The following AKAP19 variants were observed in gnomAD, a reference collection of about 807,000 sequenced individuals.
The protein encoded by AKAP19 is A-kinase anchoring protein 19.
the AKAP19 span, among the ~76,000 whole-genome samples, chr2:190,195,543 C>T: frequency 0.14 from 21,467 of 152,192 alleles, 3,588 homozygotes; most frequent in African/African-American, 0.4. Flanking sequence ...TTATGTGCCA[C>T]CTATATGTAA....
At chr2:190,054,863 A>C in the AKAP19 span, among the ~76,000 whole-genome samples, 3 of 152,136 alleles carry the variant, frequency 2.0e-5, no homozygotes, top group Admixed American at 6.5e-5. Context: ...AATAGGAACA[A>C]TTTTACACTG....
chr2:189,949,631 CTTTTTTTTTTTTTTT>C, the AKAP19 span, among the ~76,000 whole-genome samples: 2 of 117,776 alleles, frequency 1.7e-5, no homozygotes, highest in Non-Finnish European at 3.6e-5. Flanking sequence ...CTTTTTCTTT[CTTTTTTTTTTTTTTT>C]TTTTTTAGAG....
At chr2:190,000,900 G>C in the AKAP19 span, among the ~76,000 whole-genome samples, 2 of 152,036 alleles carry the variant, frequency 1.3e-5, no homozygotes, top group East Asian at 3.8e-4. Flanking sequence ...GATTTATGTA[G>C]TTCTTTTTCT....
the AKAP19 span, among the ~76,000 whole-genome samples, chr2:190,013,897 A>AT: frequency 7.9e-5 from 12 of 151,748 alleles, no homozygotes; most frequent in South Asian, 4.2e-4. Flanking sequence ...GGTTTTATTG[A>AT]TTTTTTCTAT....
chr2:190,072,822 A>G, the AKAP19 span, among the ~76,000 whole-genome samples: 1 of 152,194 alleles, frequency 6.6e-6, no homozygotes, highest in East Asian at 1.9e-4. Context: ...AACGTTACAT[A>G]CCAAAACTTA....
At chr2:190,023,038 A>G in the AKAP19 span, among the ~76,000 whole-genome samples, 7 of 152,164 alleles carry the variant, frequency 4.6e-5, no homozygotes, top group African/African-American at 1.7e-4. Flanking sequence ...AATGCCCCCA[A>G]GCTGGTATTT....
chr2:189,972,828 A>T, the AKAP19 span, among the ~76,000 whole-genome samples: 2 of 152,162 alleles, frequency 1.3e-5, no homozygotes, highest in African/African-American at 2.4e-5. Context: ...TTGCACATTG[A>T]TTTTGTATCC....
At chr2:190,174,997 A>AGATTACATG in the AKAP19 span, among the ~76,000 whole-genome samples, 1 of 131,552 alleles carries the variant, frequency 7.6e-6, no homozygotes, top group Non-Finnish European at 1.8e-5. Context: ...TAAGATACAT[A>AGATTACATG]GATTACATGG....
At chr2:189,929,488 A>T in the AKAP19 span, among the ~76,000 whole-genome samples, 1 of 152,140 alleles carries the variant, frequency 6.6e-6, no homozygotes, top group Non-Finnish European at 1.5e-5. Flanking sequence ...AACAACCAAA[A>T]TAATTAGATA....
chr2:189,909,572 AT>A, the AKAP19 span, among the ~76,000 whole-genome samples: 2 of 151,998 alleles, frequency 1.3e-5, no homozygotes, highest in South Asian at 4.1e-4. Context: ...AACGTGTTAT[AT>A]TTATAATAGT....
chr2:190,174,682 A>G, the AKAP19 span, among the ~76,000 whole-genome samples: 2 of 152,234 alleles, frequency 1.3e-5, no homozygotes, highest in Non-Finnish European at 2.9e-5. Context: ...AACATACAAT[A>G]TAATATGAAA....
chr2:190,080,526 A>C, the AKAP19 span, among the ~76,000 whole-genome samples: 1 of 152,214 alleles, frequency 6.6e-6, no homozygotes. Context: ...GGTGATCTCT[A>C]TATAAAGTGC....
At chr2:189,978,514 G>A in the AKAP19 span, among the ~76,000 whole-genome samples, 11 of 152,132 alleles carry the variant, frequency 7.2e-5, no homozygotes, top group East Asian at 1.9e-4. Flanking sequence ...CCAGCTACTC[G>A]GAAGGCTGAG....
At chr2:189,932,858 T>C in the AKAP19 span, among the ~76,000 whole-genome samples, 2 of 152,170 alleles carry the variant, frequency 1.3e-5, no homozygotes, top group Non-Finnish European at 2.9e-5. Context: ...ATTGGTAACA[T>C]TTAATTAAAA....
the AKAP19 span, among the ~76,000 whole-genome samples, chr2:189,891,187 G>C: frequency 4.7e-5 from 7 of 147,832 alleles, no homozygotes; most frequent in Admixed American, 6.7e-5. Flanking sequence ...AGTTTGGCTA[G>C]ATATGAAATT....
At chr2:189,926,528 C>A in the AKAP19 span, among the ~76,000 whole-genome samples, 1 of 149,348 alleles carries the variant, frequency 6.7e-6, no homozygotes, top group African/African-American at 2.5e-5. Context: ...CGTCGTGATC[C>A]GCCCGCCTCG....
the AKAP19 span, among the ~76,000 whole-genome samples, chr2:190,039,345 C>T: frequency 1.3e-5 from 2 of 152,150 alleles, no homozygotes; most frequent in East Asian, 3.9e-4. Context: ...TCCCAAAATG[C>T]TGGGATTACA....
the AKAP19 span, among the ~76,000 whole-genome samples, chr2:189,973,240 T>A: frequency 0.043 from 6,516 of 152,268 alleles, 167 homozygotes; most frequent in Middle Eastern, 0.075. Context: ...ATTGAGATAA[T>A]CATGTGTTTT....
the AKAP19 span, among the ~76,000 whole-genome samples, chr2:189,963,745 C>A: frequency 6.6e-6 from 1 of 151,576 alleles, no homozygotes; most frequent in Non-Finnish European, 1.5e-5. Flanking sequence ...TCTATGGCAG[C>A]TATAGCCTTC....
Sources: gnomAD v4.1 joint callset for allele counts (sites outside exome capture counted in the v4.1 genomes callset) on GRCh38, gnomAD v4.1.1 for gene constraint, MANE v1.5 for transcripts, NCBI Gene and HGNC (gene_info 2026-07-23, HGNC 2026-07-21) for gene names.